The following ALKBH1 variants were observed in gnomAD, a reference collection of about 807,000 sequenced individuals.
ALKBH1 encodes the protein nucleic acid dioxygenase ALKBH1.
Under a neutral mutation model 36.6 loss-of-function variants are expected in ALKBH1, and 31 were observed. The ratio of observed to expected loss-of-function variants is 0.85; its 90% CI spans 0.64 to 1.14. The LOEUF (loss-of-function observed/expected upper bound fraction) is 1.14, where lower values mean the gene tolerates loss of function less well. Ranked by LOEUF, ALKBH1 falls within the 50% of genes most tolerant of loss-of-function variation. The pLI is 0.00. For synonymous variants in ALKBH1, 183 were observed against 186.6 expected (o/e 0.98, Z 0.16); for missense variants, 490 against 497.3 (o/e 0.99, Z 0.14).
chr14:77,695,021 G>T, intron 2 of ALKBH1, 121 bp from the exon 3 acceptor site: 2 of 804,692 alleles, frequency 2.5e-6, no homozygotes, highest in Non-Finnish European at 3.5e-6. Flanking sequence ...TTTTGGTCAT[G>T]CTTCAAGTTA....
intron 3 of ALKBH1, chr14:77,683,146 A>C (rs1465321438): frequency 2.1e-6 from 1 of 483,902 alleles, no homozygotes. Context: ...CAAGCTGTAA[A>C]GTCTTTTTTT....
At chr14:77,706,491 C>G (rs1595061569) in intron 1 of ALKBH1, among the ~76,000 whole-genome samples, 1 of 152,182 alleles carries the variant, frequency 6.6e-6, no homozygotes, top group East Asian at 1.9e-4. Context: ...ACTTTCCCCA[C>G]CAGTCTCATC....
At chr14:77,679,178 CTTCT>C (rs2080223113) in intron 4 of ALKBH1, among the ~76,000 whole-genome samples, 1 of 151,956 alleles carries the variant, frequency 6.6e-6, no homozygotes, top group South Asian at 2.1e-4. Flanking sequence ...ATACATGGAG[CTTCT>C]TTTACTCCAG....
intron 2 of ALKBH1, among the ~76,000 whole-genome samples, chr14:77,704,056 T>G (rs1321453636): frequency 6.6e-6 from 1 of 152,208 alleles, no homozygotes; most frequent in Non-Finnish European, 1.5e-5. Context: ...AATGATAAAT[T>G]ATTCTTCACA....
intron 3 of ALKBH1, chr14:77,683,149 C>A (rs999738075): frequency 7.9e-5 from 32 of 406,020 alleles, no homozygotes; most frequent in Non-Finnish European, 8.4e-5. Context: ...GCTGTAAAGT[C>A]TTTTTTTTTT....
chr14:77,693,843 G>C (rs2080311958), intron 3 of ALKBH1, among the ~76,000 whole-genome samples: 1 of 151,872 alleles, frequency 6.6e-6, no homozygotes, highest in Non-Finnish European at 1.5e-5. Flanking sequence ...AAAAATTGGT[G>C]GGGCGTGGTG....
chr14:77,688,080 C>T (rs936857199), intron 3 of ALKBH1, among the ~76,000 whole-genome samples: 25 of 152,126 alleles, frequency 1.6e-4, no homozygotes, highest in African/African-American at 4.6e-4. Flanking sequence ...TCTTTCAATA[C>T]TTATTTCCAT....
intron 2 of ALKBH1, among the ~76,000 whole-genome samples, chr14:77,701,312 A>G (rs2080358075): frequency 6.6e-6 from 1 of 152,152 alleles, no homozygotes. Flanking sequence ...AGTAGGTACT[A>G]TTTTTATATA....
intron 2 of ALKBH1, chr14:77,697,099 C>T (rs1276971048): frequency 1.6e-5 from 3 of 191,836 alleles, no homozygotes; most frequent in East Asian, 2.5e-4. Flanking sequence ...CAGCAGCTTC[C>T]CATGGACCCC....
At chr14:77,681,350 C>T (rs2267760) in intron 3 of ALKBH1, among the ~76,000 whole-genome samples, 32,539 of 151,954 alleles carry the variant, frequency 0.21, 3,668 homozygotes, top group African/African-American at 0.27. Flanking sequence ...GAGTTGAGCA[C>T]GGCACTGAAG....
intron 4 of ALKBH1, among the ~76,000 whole-genome samples, chr14:77,676,900 C>T (rs2080209151): frequency 6.6e-6 from 1 of 152,138 alleles, no homozygotes; most frequent in Admixed American, 6.5e-5. Context: ...GGAACTAACT[C>T]TCATTTATAG....
chr14:77,698,273 G>A (rs1313328268), intron 2 of ALKBH1, among the ~76,000 whole-genome samples: 2 of 152,156 alleles, frequency 1.3e-5, no homozygotes, highest in African/African-American at 4.8e-5. Context: ...ATAGAGCAAG[G>A]TCTTGAAAGC....
At position 77,672,492 on chromosome 14, in the gene ALKBH1, G is replaced by A. The variant is rs1468783070; in HGVS notation, c.*1320C>T. On this transcript the variant is annotated 3_prime_UTR_variant, in exon 6 of 6. Coordinates refer to ENST00000216489, the MANE Select transcript of ALKBH1 (RefSeq NM_006020.3). ...TTCAATGCCAGTAATTTAAAAAAGGGGCAGAGCAGGACAGAGGAGACATGT... is the reference window on the plus strand; with the variant it reads ...TTCAATGCCAGTAATTTAAAAAAGGAGCAGAGCAGGACAGAGGAGACATGT... The A allele has an allele frequency of 2.0e-5, 3 of 152,152 alleles. No individual in the cohort carries two copies. The allele number at this position is 152,152 out of a possible 1,614,324, so 9.4% of individuals were successfully genotyped here. A position where few individuals can be genotyped will look rare whatever the true frequency, so the allele number is the denominator to read the frequency against.
chr14:77,704,251 T>G, intron 2 of ALKBH1, 118 bp downstream of exon 2: 1 of 750,800 alleles, frequency 1.3e-6, no homozygotes, highest in South Asian at 1.6e-5. Flanking sequence ...GAAACATTTA[T>G]CTGTTTATTA....
At chr14:77,679,657 C>T (rs2080225994) in intron 4 of ALKBH1, among the ~76,000 whole-genome samples, 1 of 152,138 alleles carries the variant, frequency 6.6e-6, no homozygotes, top group Non-Finnish European at 1.5e-5. Flanking sequence ...CAGCAAACTC[C>T]TGACCTTAAG....
chr14:77,700,072 T>A (rs113912605), intron 2 of ALKBH1, among the ~76,000 whole-genome samples: 15,054 of 150,570 alleles, frequency 0.1, 872 homozygotes, highest in African/African-American at 0.14. Context: ...AATAAATAAA[T>A]AAAAATAAAT....
At position 77,702,582 on chromosome 14, in the gene ALKBH1, CT is replaced by C. The variant is rs762474844; in HGVS notation, c.292+1786del. Among the ~76,000 whole-genome samples the C allele has an allele frequency of 2.6e-5, 4 of 152,270 alleles. No individual in the cohort carries two copies. In the South Asian group the frequency reaches 8.3e-4, roughly 32 times the overall value. On this transcript the variant is annotated intron_variant, in intron 2 of 5. Transcript: ENST00000216489. ...TTTGAAATCACAAGTGCAATGTTAA[CT>C]TTTACAATGGCCCCAGGAGCCTAGA...
chr14:77,699,503 AT>A (rs2080346803), intron 2 of ALKBH1, among the ~76,000 whole-genome samples: 1 of 152,230 alleles, frequency 6.6e-6, no homozygotes, highest in Non-Finnish European at 1.5e-5. Context: ...CAGCAACCTT[AT>A]GCTATCTCAT....
In ALKBH1 at chr14:77,673,081, A is replaced by G. The variant is rs947194782; in HGVS notation, c.*731T>C. 3 of 152,272 alleles carry G rather than the reference A, an allele frequency of 2.0e-5. No homozygotes were observed. Among genetic ancestry groups the G allele is most frequent in the Admixed American group, 2.0e-4 (3 of 15,288 alleles). The allele number at this position is 152,272 out of a possible 1,614,324, so 9.4% of individuals were successfully genotyped here. A position where few individuals can be genotyped will look rare whatever the true frequency, so the allele number is the denominator to read the frequency against. On this transcript the variant is annotated 3_prime_UTR_variant, in exon 6 of 6. Transcript: ENST00000216489. ...TCAAGTGAGTTTATTCATGGAGAAA[A>G]CAGTAACAAAACACCCTTGGGACTT...
Sources: gnomAD v4.1 joint callset for allele counts (sites outside exome capture counted in the v4.1 genomes callset) on GRCh38, gnomAD v4.1.1 for gene constraint, MANE v1.5 for transcripts, NCBI Gene and HGNC (gene_info 2026-07-23, HGNC 2026-07-21) for gene names.